The following EIF4G1 variants were observed in gnomAD, a reference collection of about 807,000 sequenced individuals.
EIF4G1 encodes the protein EIF4-gamma.
EIF4G1 carries 4 observed loss-of-function variants against 187.8 expected under a neutral mutation model. That is an observed-to-expected ratio of 0.02 (90% confidence interval 0.01 to 0.05). The LOEUF (loss-of-function observed/expected upper bound fraction) is 0.05. Ranked by LOEUF, EIF4G1 falls within the 10% of genes least tolerant of loss-of-function variation. The pLI, the probability that EIF4G1 is intolerant of heterozygous loss-of-function variation, is 1.00. For synonymous variants in EIF4G1, 844 were observed against 781.4 expected, an observed-to-expected ratio of 1.08 and a Z score of -1.34; for missense variants, 1,647 against 2,081.1, an observed-to-expected ratio of 0.79 and a Z score of 4.06.
At chr3:184,322,173 G>T in intron 10 of EIF4G1, 70 bp downstream of exon 10, 1 of 1,606,558 alleles carries the variant, frequency 6.2e-7, no homozygotes. Context: ...CTTGATGACC[G>T]CCCATTTTTG....
chr3:184,316,319 C>T (rs757845301), intron 4 of EIF4G1, 101 bp downstream of exon 4: 4 of 1,442,250 alleles, frequency 2.8e-6, no homozygotes, highest in Middle Eastern at 2.3e-4. Context: ...CCATACCTGG[C>T]CTTAATCCTC....
In EIF4G1 at chr3:184,323,114, C is replaced by T. The variant is rs943546177; in HGVS notation, c.1961C>T (p.Pro654Leu). Residue 654 changes from proline to leucine, a missense_variant, in exon 14 of 33, where the codon CCC becomes CTC. Transcript: ENST00000346169. The surrounding 1 kb of genome is among the most constrained non-coding windows in gnomAD (Gnocchi z 6.9). ...AAAACACCACTGCGGCCACTGGATCCCACTAGACTACAAGGCATAAATTGT... is the reference window on the plus strand; with the variant it reads ...AAAACACCACTGCGGCCACTGGATCTCACTAGACTACAAGGCATAAATTGT... ...ANKTPLRPLD[P>L]TRLQGINCGP... The T allele has an allele frequency of 3.1e-6, 5 of 1,614,070 alleles. No homozygotes were observed. Among genetic ancestry groups the T allele is most frequent in the South Asian group, 1.1e-5 (1 of 91,096 alleles).
Position 184,322,388 on chromosome 3 carries a change from C to A in EIF4G1, c.1546C>A (p.Arg516=), listed in dbSNP as rs765169450. The A allele has an allele frequency of 1.9e-6, 3 of 1,613,936 alleles. No individual in the cohort carries two copies. The highest frequency in any genetic ancestry group is 8.5e-7 in the Non-Finnish European group (1 of 1,180,000). The change falls in exon 11 of 33, where the codon CGG becomes AGG. Residue 516 remains arginine (R), a synonymous_variant. Transcript: ENST00000346169. ...QVAVSVPKRR[R]KIKELNKKEA... Reference sequence around the variant, plus strand: ...GGCAGTATCTGTGCCAAAGAGGAGACGGAAAATTAAGGAGCTAAATAAGAA... The same window carrying A: ...GGCAGTATCTGTGCCAAAGAGGAGAAGGAAAATTAAGGAGCTAAATAAGAA...
chr3:184,321,606 C>T lies in EIF4G1; in HGVS notation c.1022C>T (p.Ser341Phe), dbSNP rs995372781. ...AAACCGGTTCCAGAATCTGAGTTTT[C>T]TTCCAGTCCTCTCCAGGCTCCCACC... ...LSKPVPESEF[S>F]SSPLQAPTPL... is the part of the protein sequence containing the mutation. Residue 341 changes from serine (S) to phenylalanine (F), a missense_variant, in exon 10 of 33, where the codon TCT (serine) becomes TTT (phenylalanine). By Grantham distance (155) the Ser-to-Phe change is radical. Coordinates refer to ENST00000346169, the MANE Select transcript of EIF4G1 (RefSeq NM_198241.3). 1.9e-6 allele frequency: 3 copies of T among 1,613,828 alleles called. No individual in the cohort carries two copies. The African/African-American group carries it at 4.0e-5, about 22-fold the overall frequency.
Position 184,322,630 on chromosome 3 carries a change from A to G in EIF4G1, c.1695A>G (p.Pro565=), listed in dbSNP as rs1432069589. The G allele has an allele frequency of 2.5e-6, 4 of 1,614,182 alleles. No homozygotes were observed. The highest frequency in any genetic ancestry group is 3.4e-6 in the Non-Finnish European group (4 of 1,180,048). Residue 565 remains proline, a synonymous_variant, in exon 12 of 33, where the codon CCA becomes CCG. Coordinates refer to ENST00000346169, the MANE Select transcript of EIF4G1 (RefSeq NM_198241.3). ...AGTCTGAGGGCAGTGGTGTGCCCCC[A>G]CGTCCTGAGGAAGCAGATGAGACCT... The part of the protein sequence containing the change: ...GPESEGSGVP[P]RPEEADETWD...
chr3:184,330,858 G>C (rs1725936293), intron 28 of EIF4G1, among the ~76,000 whole-genome samples: 1 of 152,062 alleles, frequency 6.6e-6, no homozygotes, highest in South Asian at 2.1e-4. Context: ...TCCTGCCTCA[G>C]CCTCCCGAGT....
chr3:184,321,545 G>A lies in EIF4G1; in HGVS notation c.961G>A (p.Ala321Thr), dbSNP rs1435063596. Residue 321 changes from alanine (A) to threonine (T), a missense_variant, in exon 10 of 33, where the codon GCC becomes ACC. Coordinates refer to ENST00000346169, the MANE Select transcript of EIF4G1 (RefSeq NM_198241.3). Reference sequence around the variant, plus strand: ...CCTCTCTCCAGAACCCACTCCTCTCGCCGAACCCATACTGGAAGTAGAAGT... The same window carrying A: ...CCTCTCTCCAGAACCCACTCCTCTCACCGAACCCATACTGGAAGTAGAAGT... ...YRLSPEPTPL[A>T]EPILEVEVTL... is the part of the protein sequence containing the mutation. 5.6e-6 allele frequency: 9 copies of A among 1,613,954 alleles called. No individual in the cohort carries two copies. The Admixed American group carries it at 8.3e-5, about 15-fold the overall frequency.
rs2108487736 is a variant in EIF4G1 at position 184,322,446 on chromosome 3, A to T, written c.1604A>T (p.Lys535Met). 1.2e-6 allele frequency: 2 copies of T among 1,614,156 alleles called. No individual in the cohort carries two copies. Among genetic ancestry groups the T allele is most frequent in the East Asian group, 4.5e-5 (2 of 44,884 alleles). ...GTTGGAGACCTTCTGGATGCCTTCA[A>T]GGAGGTAAGGGAGCAGAAAATGGGA... ...EAVGDLLDAF[K>M]EANPAVPEVE... is the part of the protein sequence containing the mutation. Residue 535 changes from lysine to methionine, a missense_variant, in exon 11 of 33, where the codon AAG (lysine) becomes ATG (methionine). By Grantham distance (95) the Lys-to-Met change is moderately conservative. Transcript: ENST00000346169.
rs1292868145 is a variant in EIF4G1 at position 184,322,433 on chromosome 3, C to T, written c.1591C>T (p.Leu531=). 2 of 1,614,144 alleles carry T rather than the reference C, an allele frequency of 1.2e-6. No individual in the cohort carries two copies. Among genetic ancestry groups the T allele is most frequent in the Admixed American group, 1.7e-5 (1 of 60,016 alleles). Residue 531 remains leucine (L), a synonymous_variant, in exon 11 of 33, where the codon CTG becomes TTG. Coordinates refer to ENST00000346169, the MANE Select transcript of EIF4G1 (RefSeq NM_198241.3). ...LNKKEAVGDL[L]DAFKEANPAV... is the part of the protein sequence containing the mutation. Reference sequence around the variant, plus strand: ...TAAGAAGGAGGCTGTTGGAGACCTTCTGGATGCCTTCAAGGAGGTAAGGGA... The same window carrying T: ...TAAGAAGGAGGCTGTTGGAGACCTTTTGGATGCCTTCAAGGAGGTAAGGGA...
chr3:184,331,861 G>A (rs779571786), intron 31 of EIF4G1, 52 bp downstream of exon 31: 4 of 1,613,946 alleles, frequency 2.5e-6, no homozygotes, highest in Non-Finnish European at 3.4e-6. Flanking sequence ...ACAGACAAGT[G>A]GAGGGAGGTG....
At position 184,324,287 on chromosome 3, in the gene EIF4G1, A is replaced by G; in HGVS notation, c.2559A>G (p.Lys853=). The G allele has an allele frequency of 3.1e-6, 5 of 1,614,244 alleles. No homozygotes were observed. The highest frequency in any genetic ancestry group is 4.2e-6 in the Non-Finnish European group (5 of 1,180,038). The change falls in exon 17 of 33, where the codon AAA becomes AAG. Residue 853 remains lysine, a synonymous_variant. Transcript: ENST00000346169. Reference sequence around the variant, plus strand: ...ATCGATGTCAGAAGGAGTTTGAGAAAGACAAAGATGATGATGAGGTTTTTG... The same window carrying G: ...ATCGATGTCAGAAGGAGTTTGAGAAGGACAAAGATGATGATGAGGTTTTTG... The part of the protein sequence containing the change: ...LLNRCQKEFE[K]DKDDDEVFEK...
intron 6 of EIF4G1, 141 bp from the exon 7 acceptor site, chr3:184,319,548 G>A: frequency 1.5e-6 from 1 of 687,756 alleles, no homozygotes; most frequent in Non-Finnish European, 2.7e-6. Flanking sequence ...TAATTCCCTG[G>A]GGGAGGAGGG....
At chr3:184,320,779 C>T (rs1723760161) in intron 8 of EIF4G1, 57 bp downstream of exon 8, 1 of 1,611,470 alleles carries the variant, frequency 6.2e-7, no homozygotes, top group East Asian at 2.2e-5. Flanking sequence ...GCCCTGGACT[C>T]CCAAGTCCCT....
In EIF4G1 at chr3:184,317,312, T is replaced by C. The variant is rs1239248045; in HGVS notation, c.148-9T>C. On this transcript the variant is annotated splice_polypyrimidine_tract_variant and intron_variant, in intron 4 of 32. Transcript: ENST00000346169. Reference sequence around the variant, plus strand: ...TTACAATGCCAACTGCTTTCCTCCCTCCTGACAGCACTTCTACCCTAGCCG... The same window carrying C: ...TTACAATGCCAACTGCTTTCCTCCCCCCTGACAGCACTTCTACCCTAGCCG... 1 of 1,613,992 alleles carries C rather than the reference T, an allele frequency of 6.2e-7. No individual in the cohort carries two copies. Among genetic ancestry groups the C allele is most frequent in the South Asian group, 1.1e-5 (1 of 91,078 alleles).
chr3:184,319,438 T>G (rs1432365815), intron 6 of EIF4G1, among the ~76,000 whole-genome samples: 1 of 44,776 alleles, frequency 2.2e-5, no homozygotes, highest in South Asian at 5.2e-4. Context: ...TGTGTGTGTG[T>G]GTGTGTGTGT....
rs772208580 is a variant in EIF4G1 at position 184,325,760 on chromosome 3, G to A, written c.3122-91G>A. ...CACTGAGACACCATGATGGAACTGAGGATCTGAGGAAGGGAGGCTGGGGGT... is the reference window on the plus strand; with the variant it reads ...CACTGAGACACCATGATGGAACTGAAGATCTGAGGAAGGGAGGCTGGGGGT... On this transcript the variant is annotated intron_variant, in intron 20 of 32. Coordinates refer to ENST00000346169, the MANE Select transcript of EIF4G1 (RefSeq NM_198241.3). This position sits in a 1 kb window ranked among gnomAD's most constrained non-coding sequence, Gnocchi z 5.2. 2 of 1,610,748 alleles carry A rather than the reference G, an allele frequency of 1.2e-6. No individual in the cohort carries two copies. Among genetic ancestry groups the A allele is most frequent in the Admixed American group, 1.7e-5 (1 of 59,988 alleles).
At chr3:184,324,098 G>A (rs531167211) in intron 16 of EIF4G1, 103 bp from the exon 17 acceptor site, 2 of 1,604,594 alleles carry the variant, frequency 1.2e-6, no homozygotes, top group Non-Finnish European at 8.5e-7. Context: ...GAAGGAGGCA[G>A]AGCTGGGGCC....
At chr3:184,330,832 T>G (rs887436765) in intron 28 of EIF4G1, among the ~76,000 whole-genome samples, 5 of 151,986 alleles carry the variant, frequency 3.3e-5, no homozygotes, top group Non-Finnish European at 7.4e-5. Context: ...ACCCTCGCCT[T>G]GGGTTCAAGC....
chr3:184,331,616 TC>T lies in EIF4G1; in HGVS notation c.4395+12del, dbSNP rs1189201431. ...GTTCGACTGGATAGAGGTAGGTTTC[TC>T]CTGGATATCGATAAAGGAAAGGTAG... On this transcript the variant is annotated intron_variant, in intron 30 of 32. Transcript: ENST00000346169. 1.9e-6 allele frequency: 3 copies of T among 1,600,986 alleles called. No homozygotes were observed. Among genetic ancestry groups the T allele is most frequent in the Non-Finnish European group, 2.5e-6 (3 of 1,178,530 alleles).
Sources: gnomAD v4.1 joint callset for allele counts (sites outside exome capture counted in the v4.1 genomes callset) on GRCh38, gnomAD v4.1.1 for gene constraint, Gnocchi (gnomAD v3.1) non-coding constraint, MANE v1.5 for transcripts, NCBI Gene and HGNC (gene_info 2026-07-23, HGNC 2026-07-21) for gene names.